The following LRRC74B variants were observed in gnomAD, a reference collection of about 807,000 sequenced individuals.
The protein encoded by LRRC74B is leucine-rich repeat-containing protein 74B.
LRRC74B carries 30 observed loss-of-function variants against 16.6 expected under a neutral mutation model. The observed-to-expected ratio is 1.80, with a 90% confidence interval of 1.35 to 2.45. The LOEUF is 2.45. Among genes scored for constraint, LRRC74B ranks in the 30% most tolerant of loss-of-function variants. LRRC74B has a pLI of 0.00. For synonymous variants in LRRC74B, 134 were observed against 86.0 expected, an observed-to-expected ratio of 1.56 and a Z score of -3.09; for missense variants, 326 against 202.4, an observed-to-expected ratio of 1.61 and a Z score of -3.71.
At chr22:21,053,069 C>T (rs972390949) in intron 5 of LRRC74B, among the ~76,000 whole-genome samples, 2 of 152,176 alleles carry the variant, frequency 1.3e-5, no homozygotes, top group Non-Finnish European at 2.9e-5. Flanking sequence ...GTTTCTGGGG[C>T]CTGCTGCTGC....
At chr22:21,050,817 G>A (rs1929969140) in intron 4 of LRRC74B, among the ~76,000 whole-genome samples, 1 of 150,112 alleles carries the variant, frequency 6.7e-6, no homozygotes, top group Non-Finnish European at 1.5e-5. Context: ...ACTTGGCAAG[G>A]CACTGTGCCT....
At position 21,046,138 on chromosome 22, in the gene LRRC74B, G is replaced by T. The variant is rs1929403929; in HGVS notation, c.139+13G>T. On this transcript the variant is annotated intron_variant, in intron 1 of 8. Coordinates refer to ENST00000442047, the Ensembl canonical transcript of LRRC74B. ...CTGGAGACGGAAGGTGCTCGGGGGA[G>T]GGGGCAGGCCCGACTCCTCCCCTTT... 2.8e-6 allele frequency: 2 copies of T among 715,826 alleles called. No individual in the cohort carries two copies. The highest frequency in any genetic ancestry group is 5.2e-6 in the Non-Finnish European group (2 of 385,020). The allele number at this position is 715,826 out of a possible 1,614,324, so 44.3% of individuals were successfully genotyped here. A position where few individuals can be genotyped will look rare whatever the true frequency, so the allele number is the denominator to read the frequency against.
chr22:21,046,261 C>A, intron 1 of LRRC74B, 136 bp downstream of exon 1: 1 of 610,212 alleles, frequency 1.6e-6, no homozygotes, highest in South Asian at 1.9e-5. Context: ...CCTGCCTTCC[C>A]TTCATTGCTC....
chr22:21,058,656 G>A (rs574718390), intron 8 of LRRC74B, among the ~76,000 whole-genome samples: 1 of 152,218 alleles, frequency 6.6e-6, no homozygotes, highest in African/African-American at 2.4e-5. Flanking sequence ...TGGGACAACC[G>A]ATGTCAAACG....
intron 7 of LRRC74B, 152 bp from the exon 8 acceptor site, chr22:21,056,953 G>C (rs2148162510): frequency 1.7e-6 from 1 of 599,426 alleles, no homozygotes; most frequent in Non-Finnish European, 3.0e-6. Flanking sequence ...AGAGCATTCT[G>C]TCTGACTATC....
chr22:21,053,262 A>G (rs1390138349), intron 5 of LRRC74B, 98 bp from the exon 6 acceptor site: 1 of 643,606 alleles, frequency 1.6e-6, no homozygotes, highest in East Asian at 2.8e-5. Flanking sequence ...TTTATCTCTT[A>G]TCTTTGCACC....
chr22:21,063,360 G>A (rs1466949664), downstream of LRRC74B: 1 of 152,076 alleles, frequency 6.6e-6, no homozygotes, highest in East Asian at 1.9e-4. Flanking sequence ...AGAGAACTTT[G>A]AGCTATGTGA....
chr22:21,048,208 G>A, intron 3 of LRRC74B, 192 bp downstream of exon 3: 1 of 584,626 alleles, frequency 1.7e-6, no homozygotes, highest in Non-Finnish European at 3.1e-6. Context: ...ATGCCTGATA[G>A]AAGTCCTTTC....
intron 8 of LRRC74B, among the ~76,000 whole-genome samples, chr22:21,058,716 G>A (rs1246620215): frequency 6.6e-6 from 1 of 152,130 alleles, no homozygotes; most frequent in Non-Finnish European, 1.5e-5. Flanking sequence ...CCATGTGCCT[G>A]CTGCTCTGAG....
chr22:21,048,341 G>A, intron 3 of LRRC74B: 1 of 332,164 alleles, frequency 3.0e-6, no homozygotes, highest in South Asian at 3.6e-5. Context: ...CAGAGAGGTG[G>A]GAGTTGGGCA....
chr22:21,055,048 C>T (rs1438729131), intron 6 of LRRC74B, 50 bp from the exon 7 acceptor site: 2 of 711,492 alleles, frequency 2.8e-6, no homozygotes, highest in Non-Finnish European at 5.2e-6. Flanking sequence ...GGGCTCTGCA[C>T]CGCTGCTTGG....
chr22:21,051,427 C>G (rs1411555242), intron 4 of LRRC74B, among the ~76,000 whole-genome samples: 1 of 152,172 alleles, frequency 6.6e-6, no homozygotes, highest in African/African-American at 2.4e-5. Flanking sequence ...CCTCAGCCTC[C>G]TGAGTCGCTG....
intron 7 of LRRC74B, among the ~76,000 whole-genome samples, chr22:21,055,382 T>C (rs1261700344): frequency 6.6e-6 from 1 of 152,188 alleles, no homozygotes. Flanking sequence ...ATCTTCTTGC[T>C]GCCCTTCCTC....
intron 1 of LRRC74B, among the ~76,000 whole-genome samples, chr22:21,046,754 C>A (rs1414634664): frequency 6.6e-6 from 1 of 152,062 alleles, no homozygotes; most frequent in Non-Finnish European, 1.5e-5. Context: ...GCCTCAGCCT[C>A]CTGAGTAGCT....
At chr22:21,046,000 G>T (rs767325176) in exon 1 of LRRC74B, 1 of 717,390 alleles carries the variant, frequency 1.4e-6, no homozygotes, top group Admixed American at 2.0e-5. Context: ...AGGGGTTCCT[G>T]TGAGAGGTCT....
intron 3 of LRRC74B, chr22:21,048,720 G>A (rs1375065811): frequency 2.7e-5 from 15 of 562,160 alleles, no homozygotes; most frequent in Non-Finnish European, 4.5e-5. Context: ...ACAGTACCAG[G>A]AGGTAGGCGG....
chr22:21,053,158 G>A (rs1930203344), intron 5 of LRRC74B, among the ~76,000 whole-genome samples: 1 of 152,178 alleles, frequency 6.6e-6, no homozygotes, highest in Admixed American at 6.5e-5. Flanking sequence ...CTGGGCCACT[G>A]GGCTCTGTTG....
At chr22:21,055,654 C>T (rs570887423) in intron 7 of LRRC74B, among the ~76,000 whole-genome samples, 148 of 152,250 alleles carry the variant, frequency 9.7e-4, no homozygotes, top group Non-Finnish European at 1.9e-3. Flanking sequence ...AGCAGGTCCC[C>T]AGGGGACCAC....
intron 7 of LRRC74B, chr22:21,056,501 C>CAAA (rs58229327): frequency 0.048 from 5,518 of 114,334 alleles, 531 homozygotes; most frequent in East Asian, 0.36. Context: ...GACTCTGTCT[C>CAAA]AAAAAAAAAA....
Sources: gnomAD v4.1 joint callset for allele counts (sites outside exome capture counted in the v4.1 genomes callset) on GRCh38, gnomAD v4.1.1 for gene constraint, MANE v1.5 for transcripts, NCBI Gene and HGNC (gene_info 2026-07-23, HGNC 2026-07-21) for gene names.